The following STK32B variants were observed in gnomAD, a reference collection of about 807,000 sequenced individuals.
STK32B encodes serine/threonine-protein kinase 32B.
Under a neutral mutation model 52.6 loss-of-function variants are expected in STK32B, and 43 were observed. The ratio of observed to expected loss-of-function variants is 0.82; its 90% CI spans 0.64 to 1.05. STK32B has a LOEUF of 1.05. Ranked by LOEUF, STK32B falls within the 50% of genes least tolerant of loss-of-function variation. The pLI, the probability that STK32B is intolerant of heterozygous loss-of-function variation, is 0.00. For missense variants in STK32B, 621 were observed against 534.6 expected, an observed-to-expected ratio of 1.16 and a Z score of -1.59; for synonymous variants, 238 against 204.3, an observed-to-expected ratio of 1.17 and a Z score of -1.41.
In STK32B at chr4:5,398,538, A is replaced by G. The variant is rs1417882279; in HGVS notation, c.472+294A>G. ...GGATGAGCCCGGGGTTCCAACCCCA[A>G]CTCCCTCACCTATGAACGTGTGGCT... On this transcript the variant is annotated intron_variant, in intron 5 of 11. Transcript: ENST00000282908. The surrounding 1 kb of genome is among the most constrained non-coding windows in gnomAD (Gnocchi z 4.9). Among the ~76,000 whole-genome samples the G allele has an allele frequency of 6.6e-6, 1 of 151,844 alleles. No homozygotes were observed. Among genetic ancestry groups the G allele is most frequent in the Non-Finnish European group, 1.5e-5 (1 of 67,974 alleles).
intron 5 of STK32B, among the ~76,000 whole-genome samples, chr4:5,403,913 T>C (rs1737480274): frequency 6.6e-6 from 1 of 152,132 alleles, no homozygotes; most frequent in African/African-American, 2.4e-5. Context: ...GGTGGATGTC[T>C]TGGAACCATA....
At chr4:5,316,350 CAT>C (rs1448813149) in intron 3 of STK32B, among the ~76,000 whole-genome samples, 2 of 26,090 alleles carry the variant, frequency 7.7e-5, no homozygotes, top group African/African-American at 4.0e-4. Context: ...TATATTATAT[CAT>C]ATATTATATA....
At chr4:5,047,059 T>A (rs1308897346), upstream of STK32B, among the ~76,000 whole-genome samples, 1 of 152,166 alleles carries the variant, frequency 6.6e-6, no homozygotes, top group Admixed American at 6.5e-5. Flanking sequence ...TGCAGCACTG[T>A]TTACAATAGC....
rs373898113 is a variant in STK32B, at chr4:5,460,075, T to G, written c.784-28T>G. Reference sequence around the variant, plus strand: ...CTAACCTTGAGGGATGCCCAATTCATGGAAACTCATTTGCCCTCTAACTGC... The same window carrying G: ...CTAACCTTGAGGGATGCCCAATTCAGGGAAACTCATTTGCCCTCTAACTGC... On this transcript the variant is annotated intron_variant, in intron 8 of 11. Coordinates refer to ENST00000282908, the MANE Select transcript of STK32B (RefSeq NM_018401.3). This position sits in a 1 kb window ranked among gnomAD's most constrained non-coding sequence, Gnocchi z 4.8. 168 of 1,614,070 alleles carry G rather than the reference T, an allele frequency of 1.0e-4. No individual in the cohort carries two copies. Among genetic ancestry groups the G allele is most frequent in the Non-Finnish European group, 1.4e-4 (166 of 1,180,026 alleles).
At chr4:5,187,220 G>A (rs11939208) in intron 3 of STK32B, among the ~76,000 whole-genome samples, 3,772 of 152,198 alleles carry the variant, frequency 0.025, 151 homozygotes, top group African/African-American at 0.086. Context: ...CGCTTCTCCC[G>A]CACCACAACA....
chr4:5,498,379 G>T (rs766442109), intron 11 of STK32B, among the ~76,000 whole-genome samples: 10 of 149,832 alleles, frequency 6.7e-5, no homozygotes, highest in Non-Finnish European at 1.2e-4. Flanking sequence ...AGGATATTTT[G>T]TAAGTCTGTG....
chr4:5,105,784 C>T (rs988803918), intron 1 of STK32B, among the ~76,000 whole-genome samples: 4 of 151,716 alleles, frequency 2.6e-5, no homozygotes, highest in African/African-American at 7.3e-5. Flanking sequence ...AGGATGGTCT[C>T]GATCTCCTGA....
chr4:5,146,117 G>A (rs1577105021), intron 2 of STK32B, among the ~76,000 whole-genome samples: 1 of 147,396 alleles, frequency 6.8e-6, no homozygotes, highest in Non-Finnish European at 1.5e-5. Flanking sequence ...TTATTGGATT[G>A]TGTACGACGA....
intron 3 of STK32B, among the ~76,000 whole-genome samples, chr4:5,230,184 TTTTTTTTTTTTTTTTTTTTTTTTTTAG>T (rs1347249150): frequency 3.1e-5 from 1 of 32,520 alleles, no homozygotes; most frequent in Non-Finnish European, 1.1e-4. Context: ...TTCCCTTTTT[TTTTTTTTTTTTTTTTTTTTTTTTTTAG>T]TGGAGTCTTG....
At chr4:5,163,548 G>A (rs1345837630) in intron 2 of STK32B, among the ~76,000 whole-genome samples, 2 of 132,244 alleles carry the variant, frequency 1.5e-5, no homozygotes, top group South Asian at 2.2e-4. Flanking sequence ...CTGTGTGTGT[G>A]TGTGTGTGTG....
At chr4:5,359,652 G>A (rs888153916) in intron 4 of STK32B, among the ~76,000 whole-genome samples, 2 of 152,210 alleles carry the variant, frequency 1.3e-5, no homozygotes, top group African/African-American at 4.8e-5. Flanking sequence ...GTATTACAGA[G>A]ACCAGAGAAA....
intron 5 of STK32B, 121 bp from the exon 6 acceptor site, chr4:5,416,724 A>C: frequency 1.5e-6 from 1 of 687,214 alleles, no homozygotes; most frequent in Non-Finnish European, 2.4e-6. Context: ...CAGATACGAT[A>C]GTATTATAAA....
chr4:5,152,672 G>A (rs1033034279), intron 2 of STK32B, among the ~76,000 whole-genome samples: 1 of 152,286 alleles, frequency 6.6e-6, no homozygotes, highest in African/African-American at 2.4e-5. Context: ...TTCGGTGACA[G>A]TGGAGGGCTG....
chr4:5,403,723 C>T (rs982356101), intron 5 of STK32B, among the ~76,000 whole-genome samples: 6 of 152,136 alleles, frequency 3.9e-5, no homozygotes, highest in Non-Finnish European at 8.8e-5. Context: ...CTTGTCAAAG[C>T]ATTGTATGTG....
chr4:5,334,552 G>T (rs1732500863), intron 4 of STK32B, among the ~76,000 whole-genome samples: 1 of 152,166 alleles, frequency 6.6e-6, no homozygotes, highest in Non-Finnish European at 1.5e-5. Context: ...CGTGTCTTGT[G>T]CCAGTTTTCA....
rs144316221 is a variant in STK32B, at chr4:5,175,063, G to A, written c.260+6613G>A. On this transcript the variant is annotated intron_variant, in intron 3 of 11. Coordinates refer to ENST00000282908, the MANE Select transcript of STK32B (RefSeq NM_018401.3). Reference sequence around the variant, plus strand: ...CATTTCATTCATTTCATCTTCCATCGCTGATACCCTTTCTTCCCGTTGATT... The same window carrying A: ...CATTTCATTCATTTCATCTTCCATCACTGATACCCTTTCTTCCCGTTGATT... Among the ~76,000 whole-genome samples, 1,350 of 151,882 alleles carry A rather than the reference G, an allele frequency of 8.9e-3. 23 individuals carry two copies. Among genetic ancestry groups the A allele is most frequent in the African/African-American group, 0.031 (1,268 of 41,390 alleles).
chr4:5,463,917 A>C (rs1314949776), intron 9 of STK32B, among the ~76,000 whole-genome samples: 1 of 152,200 alleles, frequency 6.6e-6, no homozygotes, highest in Non-Finnish European at 1.5e-5. Flanking sequence ...TTGCATTGCT[A>C]TAAAGGAATA....
intron 4 of STK32B, among the ~76,000 whole-genome samples, chr4:5,341,788 G>A (rs916160311): frequency 1.3e-5 from 2 of 152,132 alleles, no homozygotes; most frequent in African/African-American, 4.8e-5. Context: ...GAAGGTAAAG[G>A]GGGAGCAGGC....
intron 6 of STK32B, among the ~76,000 whole-genome samples, chr4:5,432,660 T>A (rs1360536880): frequency 6.6e-6 from 1 of 152,164 alleles, no homozygotes; most frequent in Non-Finnish European, 1.5e-5. Flanking sequence ...ATGGGTGTAA[T>A]AAGAATAGTG....
Sources: allele counts gnomAD v4.1 joint callset (sites outside exome capture counted in the v4.1 genomes callset), GRCh38; gene constraint gnomAD v4.1.1; non-coding constraint Gnocchi (gnomAD v3.1); transcripts MANE v1.5; gene names NCBI Gene and HGNC (gene_info 2026-07-23, HGNC 2026-07-21).